KLF12: variants seen among roughly 807,000 people sequenced by gnomAD.
KLF12 encodes Krueppel-like factor 12.
Under a neutral mutation model 37.8 loss-of-function variants are expected in KLF12, and 9 were observed. The ratio of observed to expected loss-of-function variants is 0.24; its 90% confidence interval spans 0.14 to 0.42. KLF12 has a LOEUF of 0.42. Among genes scored for constraint, KLF12 ranks in the 10% least tolerant of loss-of-function variants. The pLI is 1.00. For synonymous variants in KLF12, 208 were observed against 202.1 expected (o/e 1.03, Z -0.25); for missense variants, 411 against 516.0 (o/e 0.80, Z 1.97).
intron 2 of KLF12, among the ~76,000 whole-genome samples, chr13:73,992,056 C>T (rs1181659587): frequency 1.3e-5 from 2 of 152,128 alleles, no homozygotes; most frequent in Admixed American, 6.5e-5. Flanking sequence ...CAGAGGTAGT[C>T]GCAAAGCAAA....
chr13:74,090,363 T>TCTGCCTCCA, intron 1 of KLF12, among the ~76,000 whole-genome samples: 1 of 152,224 alleles, frequency 6.6e-6, no homozygotes, highest in Non-Finnish European at 1.5e-5. Context: ...ACACATATCC[T>TCTGCCTCCA]CTGCCTCCAC....
At chr13:74,269,023 A>G in the KLF12 span, among the ~76,000 whole-genome samples, 1 of 152,204 alleles carries the variant, frequency 6.6e-6, no homozygotes, top group African/African-American at 2.4e-5. Flanking sequence ...GGGGCTGGGG[A>G]AGACCTTTGC....
the KLF12 span, among the ~76,000 whole-genome samples, chr13:74,144,781 C>A: frequency 6.6e-6 from 1 of 152,068 alleles, no homozygotes; most frequent in Non-Finnish European, 1.5e-5. Context: ...ATTGAAATAT[C>A]GTCTTGTTTA....
At chr13:74,253,727 A>G in the KLF12 span, among the ~76,000 whole-genome samples, 1 of 152,186 alleles carries the variant, frequency 6.6e-6, no homozygotes, top group South Asian at 2.1e-4. Context: ...ATTTTTCAAA[A>G]TGTATTCCAA....
intron 6 of KLF12, among the ~76,000 whole-genome samples, chr13:73,717,276 A>G (rs926720362): frequency 3.9e-5 from 6 of 152,202 alleles, no homozygotes; most frequent in Admixed American, 6.5e-5. Flanking sequence ...TCTGAGACCA[A>G]CCTAGGCAAG....
At chr13:74,098,626 A>T (rs1349005632) in intron 1 of KLF12, among the ~76,000 whole-genome samples, 1 of 152,238 alleles carries the variant, frequency 6.6e-6, no homozygotes, top group African/African-American at 2.4e-5. Context: ...TTGAATGGCT[A>T]TATCAAACCT....
the KLF12 span, among the ~76,000 whole-genome samples, chr13:74,223,538 G>A: frequency 4.6e-5 from 7 of 152,178 alleles, no homozygotes; most frequent in Non-Finnish European, 1.0e-4. Flanking sequence ...GGGCTAAAGA[G>A]CTTGCCATTG....
intron 1 of KLF12, among the ~76,000 whole-genome samples, chr13:74,112,192 G>C (rs1395419442): frequency 9.2e-6 from 1 of 108,686 alleles, no homozygotes; most frequent in Non-Finnish European, 2.3e-5. Context: ...ACGTTTATGT[G>C]TGTGTGTGCA....
intron 7 of KLF12, among the ~76,000 whole-genome samples, chr13:73,701,754 G>C (rs1038163495): frequency 6.6e-6 from 1 of 152,028 alleles, no homozygotes; most frequent in Non-Finnish European, 1.5e-5. Context: ...TTGGTGTATA[G>C]CTTATTAACT....
intron 1 of KLF12, among the ~76,000 whole-genome samples, chr13:74,040,378 T>C (rs567804746): frequency 9.3e-4 from 142 of 152,332 alleles, no homozygotes; most frequent in African/African-American, 2.7e-3. Context: ...TACTGTGCTA[T>C]GCAGACCAGG....
intron 1 of KLF12, among the ~76,000 whole-genome samples, chr13:74,004,769 T>G (rs962166726): frequency 6.6e-6 from 1 of 152,226 alleles, no homozygotes; most frequent in African/African-American, 2.4e-5. Flanking sequence ...TATTTTAAGT[T>G]TCTCCACTAA....
chr13:73,845,251 T>C (rs1486450706), intron 4 of KLF12: 1 of 152,166 alleles, frequency 6.6e-6, no homozygotes, highest in East Asian at 1.9e-4. Context: ...TTATAAGAAG[T>C]TAGTAACACA....
intron 1 of KLF12, among the ~76,000 whole-genome samples, chr13:74,048,109 C>T (rs956274218): frequency 6.6e-6 from 1 of 152,142 alleles, no homozygotes. Flanking sequence ...GGCAACAGAA[C>T]TGAAGAAAGA....
At chr13:74,261,100 C>T in the KLF12 span, among the ~76,000 whole-genome samples, 1 of 152,022 alleles carries the variant, frequency 6.6e-6, no homozygotes, top group South Asian at 2.1e-4. Context: ...TCCGTGTAAC[C>T]AAACACCAGC....
chr13:74,105,025 T>C (rs537607210), intron 1 of KLF12, among the ~76,000 whole-genome samples: 4 of 152,232 alleles, frequency 2.6e-5, no homozygotes, highest in East Asian at 3.9e-4. Flanking sequence ...CCACAGGGAG[T>C]TGGGTCACCA....
At chr13:74,089,788 C>T (rs1358859802) in intron 1 of KLF12, among the ~76,000 whole-genome samples, 1 of 127,494 alleles carries the variant, frequency 7.8e-6, no homozygotes, top group African/African-American at 3.0e-5. Flanking sequence ...CTTGACACGA[C>T]GTAACATGCA....
chr13:74,241,599 G>A, the KLF12 span, among the ~76,000 whole-genome samples: 129 of 152,326 alleles, frequency 8.5e-4, no homozygotes, highest in African/African-American at 2.9e-3. Context: ...AGCAATCAGC[G>A]AGACTCCGTG....
At chr13:73,806,728 T>G (rs1337300855) in intron 5 of KLF12, among the ~76,000 whole-genome samples, 2 of 151,974 alleles carry the variant, frequency 1.3e-5, no homozygotes, top group Non-Finnish European at 2.9e-5. Flanking sequence ...CTCCGCTTCT[T>G]TATCTGTAGG....
chr13:73,935,331 T>G (rs1199003365), intron 3 of KLF12, among the ~76,000 whole-genome samples: 2 of 152,160 alleles, frequency 1.3e-5, no homozygotes, highest in Admixed American at 1.3e-4. Flanking sequence ...GACATTGATC[T>G]TTTCTTCTGC....
Sources: gnomAD v4.1 joint callset for allele counts (sites outside exome capture counted in the v4.1 genomes callset) on GRCh38, gnomAD v4.1.1 for gene constraint, MANE v1.5 for transcripts, NCBI Gene and HGNC (gene_info 2026-07-23, HGNC 2026-07-21) for gene names.